Variants in DNAI2 observed in about 807,000 individuals in gnomAD.
DNAI2 encodes dynein, axonemal, intermediate polypeptide 2.
In DNAI2, 63 loss-of-function variants were observed where a neutral mutation model predicts 74.7. That is an observed-to-expected ratio of 0.84 (90% CI 0.69 to 1.04). The LOEUF is 1.04. Among genes scored for constraint, DNAI2 ranks in the 50% least tolerant of loss-of-function variants. The pLI, the probability that DNAI2 is intolerant of heterozygous loss-of-function variation, is 0.00. For synonymous variants in DNAI2, 289 were observed against 314.9 expected, an observed-to-expected ratio of 0.92 and a Z score of 0.87; for missense variants, 688 against 803.2, an observed-to-expected ratio of 0.86 and a Z score of 1.73.
chr17:74,280,293 T>C (rs1238985752), intron 1 of DNAI2, among the ~76,000 whole-genome samples: 1 of 152,182 alleles, frequency 6.6e-6, no homozygotes, highest in Admixed American at 6.5e-5. Context: ...AGCACTTTCA[T>C]TTCACTTCTC....
Position 74,309,253 on chromosome 17 carries a change from G to T in DNAI2, c.1212G>T (p.Lys404Asn), listed in dbSNP as rs1425819539. The T allele has an allele frequency of 6.2e-7, 1 of 1,614,000 alleles. No individual in the cohort carries two copies. Residue 404 changes from lysine to asparagine, a missense_variant and splice_region_variant, in exon 10 of 14, where the codon AAG (lysine) becomes AAT (asparagine). By Grantham distance (94) the Lys-to-Asn change is moderately conservative (BLOSUM62 0). Coordinates refer to ENST00000311014, the MANE Select transcript of DNAI2 (RefSeq NM_023036.6). ...DSRESSIMWTKYHMAYLTDAA... is the reference protein window; with the variant it reads ...DSRESSIMWTNYHMAYLTDAA... ...CCATGATGTGGTCTACCTCCCACAG[G>T]TACCACATGGCTTACCTCACTGATG...
intron 9 of DNAI2, chr17:74,307,332 C>T (rs960496433): frequency 2.9e-5 from 13 of 455,786 alleles, no homozygotes; most frequent in Admixed American, 2.6e-4. Flanking sequence ...TCTCCCTTGT[C>T]CTCCTCCTGC....
At position 74,305,140 on chromosome 17, in the gene DNAI2, G is replaced by A. The variant is rs954492651; in HGVS notation, c.988-79G>A. The A allele has an allele frequency of 3.8e-5, 56 of 1,490,710 alleles. No homozygotes were observed. The African/African-American group carries it at 7.2e-4, about 19-fold the overall frequency. 92.3% of individuals were successfully genotyped at this position (1,490,710 alleles called of 1,614,324 possible). ...TTTCTAGCGCCTGCAGACCCCCCAA[G>A]CAAGCTCCTGTCCATGCCCGCTAAT... On this transcript the variant is annotated intron_variant, in intron 8 of 13. Coordinates refer to ENST00000311014, the MANE Select transcript of DNAI2 (RefSeq NM_023036.6).
chr17:74,299,624 C>G (rs1232151961), intron 6 of DNAI2, 94 bp from the exon 7 acceptor site: 10 of 1,554,320 alleles, frequency 6.4e-6, no homozygotes, highest in Non-Finnish European at 8.8e-6. Context: ...ACCTGCCAAA[C>G]CAGAAGCAGC....
chr17:74,289,111 C>T (rs947384971), intron 4 of DNAI2, among the ~76,000 whole-genome samples: 7 of 152,204 alleles, frequency 4.6e-5, no homozygotes, highest in Non-Finnish European at 1.0e-4. Flanking sequence ...GGGCCAGTGG[C>T]TGTCAGCAAG....
rs8073660 is a variant in DNAI2, at chr17:74,305,293, A to G, written c.1062A>G (p.Glu354=). The change falls in exon 9 of 14, where the codon GAA becomes GAG. Residue 354 remains glutamate, a synonymous_variant. Transcript: ENST00000311014. ...ACCGCAAGGCCAAGACGTCAGCTGA[A>G]AAGATTGTGTGCACCTTCCCGGGCC... ...SCNRKAKTSA[E]KIVCTFPGHH... 943,747 of 1,613,914 alleles carry G rather than the reference A, an allele frequency of 0.58. 284,557 individuals carry two copies. The highest frequency in any genetic ancestry group is 0.63 in the Non-Finnish European group (746,447 of 1,179,964).
intron 6 of DNAI2, among the ~76,000 whole-genome samples, chr17:74,292,226 T>C (rs1225406494): frequency 6.6e-6 from 1 of 152,212 alleles, no homozygotes; most frequent in African/African-American, 2.4e-5. Context: ...CCCTGGCTTT[T>C]CTTTATTGGA....
At position 74,291,001 on chromosome 17, in the gene DNAI2, A is replaced by T. The variant is rs1177811818; in HGVS notation, c.611-19A>T. The T allele has an allele frequency of 7.5e-6, 12 of 1,609,372 alleles. No homozygotes were observed. Among genetic ancestry groups the T allele is most frequent in the Middle Eastern group, 1.6e-4 (1 of 6,076 alleles). On this transcript the variant is annotated intron_variant, in intron 5 of 13. Transcript: ENST00000311014. ...TTTCTTTCCGGGCCTGGTGGGGATA[A>T]TTTTTTTGTGCTTTATAGAAAACCC...
chr17:74,301,132 C>T lies in DNAI2; in HGVS notation c.951C>T (p.Ala317=). ...DITKKEQLEN[A]LGAISLEFES... ...CCAAGAAGGAACAGTTGGAAAATGCCTTGGGGGCCATCTCCCTGGAGTTCG... is the reference window on the plus strand; with the variant it reads ...CCAAGAAGGAACAGTTGGAAAATGCTTTGGGGGCCATCTCCCTGGAGTTCG... Residue 317 remains alanine (A), a synonymous_variant, in exon 8 of 14, where the codon GCC becomes GCT. Coordinates refer to ENST00000311014, the MANE Select transcript of DNAI2 (RefSeq NM_023036.6). 1 of 1,614,044 alleles carries T rather than the reference C, an allele frequency of 6.2e-7. No homozygotes were observed. Among genetic ancestry groups the T allele is most frequent in the Non-Finnish European group, 8.5e-7 (1 of 1,179,976 alleles).
chr17:74,299,297 G>A (rs895306853), intron 6 of DNAI2, among the ~76,000 whole-genome samples: 15 of 152,152 alleles, frequency 9.9e-5, no homozygotes, highest in African/African-American at 3.6e-4. Flanking sequence ...GTCTTTCCAC[G>A]TGCTTTTCCC....
In DNAI2 at chr17:74,291,015, T is replaced by C. The variant is rs1378230679; in HGVS notation, c.611-5T>C. 1 of 1,613,750 alleles carries C rather than the reference T, an allele frequency of 6.2e-7. No individual in the cohort carries two copies. The highest frequency in any genetic ancestry group is 8.5e-7 in the Non-Finnish European group (1 of 1,179,702). On this transcript the variant is annotated splice_region_variant and splice_polypyrimidine_tract_variant and intron_variant, in intron 5 of 13. Transcript: ENST00000311014. The stretch of plus-strand genomic sequence containing the variant: ...TGGTGGGGATAATTTTTTTGTGCTT[T>C]ATAGAAAACCCCAACAAGCCTGAAC...
chr17:74,281,086 CAAA>C (rs60399157), intron 1 of DNAI2, among the ~76,000 whole-genome samples: 12 of 58,884 alleles, frequency 2.0e-4, no homozygotes, highest in Admixed American at 4.3e-4. Context: ...GCCTTTGTCT[CAAA>C]AAAAAAAAAA....
intron 2 of DNAI2, among the ~76,000 whole-genome samples, chr17:74,284,495 C>T (rs1206927337): frequency 6.6e-6 from 1 of 152,092 alleles, no homozygotes; most frequent in Non-Finnish European, 1.5e-5. Flanking sequence ...TCACTGCAAC[C>T]TCTGCCTCCC....
At chr17:74,279,164 C>G (rs1385540935) in intron 1 of DNAI2, among the ~76,000 whole-genome samples, 2 of 152,044 alleles carry the variant, frequency 1.3e-5, no homozygotes, top group South Asian at 4.2e-4. Context: ...GAGACTCCGT[C>G]TCAAAATAAA....
At chr17:74,297,117 G>T (rs55909647) in intron 6 of DNAI2, among the ~76,000 whole-genome samples, 1 of 151,990 alleles carries the variant, frequency 6.6e-6, no homozygotes, top group East Asian at 1.9e-4. Context: ...ACAGAGTCTC[G>T]CTGTGTCACC....
chr17:74,310,352 G>A (rs1769732343), intron 11 of DNAI2, among the ~76,000 whole-genome samples, 189 bp downstream of exon 11: 1 of 148,722 alleles, frequency 6.7e-6, no homozygotes, highest in African/African-American at 2.5e-5. Flanking sequence ...CTCAACTGCT[G>A]GGTAGCTAAG....
intron 9 of DNAI2, among the ~76,000 whole-genome samples, chr17:74,307,662 C>CA (rs960526216): frequency 2.5e-4 from 35 of 138,318 alleles, no homozygotes; most frequent in Non-Finnish European, 4.7e-4. Flanking sequence ...GACTCCGTCT[C>CA]AAAAAAAAAT....
At chr17:74,310,191 C>T in intron 11 of DNAI2, 28 bp downstream of exon 11, 1 of 1,611,252 alleles carries the variant, frequency 6.2e-7, no homozygotes, top group South Asian at 1.1e-5. Context: ...GGGGAAAATC[C>T]CTCCAGCACG....
At chr17:74,302,160 G>A (rs568750530) in intron 8 of DNAI2, among the ~76,000 whole-genome samples, 16 of 152,168 alleles carry the variant, frequency 1.1e-4, no homozygotes, top group African/African-American at 3.4e-4. Flanking sequence ...GCAAGGCGCC[G>A]TGGCTCACAC....
Sources: allele counts gnomAD v4.1 joint callset (sites outside exome capture counted in the v4.1 genomes callset), GRCh38; gene constraint gnomAD v4.1.1; transcripts MANE v1.5; gene names NCBI Gene and HGNC (gene_info 2026-07-23, HGNC 2026-07-21).